PHLPP1: variants seen among roughly 807,000 people sequenced by gnomAD.
The protein encoded by PHLPP1 is PH domain leucine-rich repeat-containing protein phosphatase 1.
A neutral mutation model predicts 117.2 loss-of-function variants in PHLPP1; 42 were observed. That is an observed-to-expected ratio of 0.36 (90% confidence interval 0.28 to 0.46). The LOEUF is 0.46. PHLPP1 is among the 20% of genes least tolerant of loss of function. The pLI is 1.00. For missense variants in PHLPP1, 2,084 were observed against 2,241.9 expected, an observed-to-expected ratio of 0.93 and a Z score of 1.42; for synonymous variants, 1,042 against 970.7, an observed-to-expected ratio of 1.07 and a Z score of -1.37.
intron 13 of PHLPP1, among the ~76,000 whole-genome samples, chr18:62,959,008 G>A (rs1910696579): frequency 6.6e-6 from 1 of 152,200 alleles, no homozygotes; most frequent in Non-Finnish European, 1.5e-5. Context: ...AGAGATGGAT[G>A]ATGTAGGGAA....
At position 62,979,660 on chromosome 18, in the gene PHLPP1, TC is replaced by T. The variant is rs1342630019; in HGVS notation, c.*234del. On this transcript the variant is annotated 3_prime_UTR_variant, in exon 17 of 17. Coordinates refer to ENST00000262719, the MANE Select transcript of PHLPP1 (RefSeq NM_194449.4). ...AATATGATTTACATTTGTTAACTTC[TC>T]CCCCTAACATATCAGATATGTAAAG... 1.8e-5 allele frequency: 10 copies of T among 566,926 alleles called. No homozygotes were observed. The highest frequency in any genetic ancestry group is 3.7e-5 in the African/African-American group (2 of 53,384). 35.1% of individuals were successfully genotyped at this position (566,926 alleles called of 1,614,324 possible).
chr18:62,751,856 C>G (rs17070326), intron 1 of PHLPP1, among the ~76,000 whole-genome samples: 2,306 of 152,180 alleles, frequency 0.015, 60 homozygotes, highest in African/African-American at 0.052. Context: ...AGGAACATAG[C>G]TATAAAGGAG....
At chr18:62,885,193 A>C (rs886832038) in intron 4 of PHLPP1, among the ~76,000 whole-genome samples, 1 of 152,214 alleles carries the variant, frequency 6.6e-6, no homozygotes, top group Non-Finnish European at 1.5e-5. Context: ...ACATTTGTGT[A>C]TATTTGTTTC....
At chr18:62,755,749 A>G (rs1210636095) in intron 1 of PHLPP1, among the ~76,000 whole-genome samples, 1 of 152,184 alleles carries the variant, frequency 6.6e-6, no homozygotes, top group Non-Finnish European at 1.5e-5. Context: ...ATAGCAGCCC[A>G]AACAGACTAA....
intron 4 of PHLPP1, among the ~76,000 whole-genome samples, chr18:62,870,955 G>A (rs1915886497): frequency 6.6e-6 from 1 of 152,072 alleles, no homozygotes; most frequent in Non-Finnish European, 1.5e-5. Context: ...ATTTTTGGTG[G>A]TGTTGATGGT....
At chr18:62,742,985 T>C (rs1229750999) in intron 1 of PHLPP1, among the ~76,000 whole-genome samples, 1 of 152,198 alleles carries the variant, frequency 6.6e-6, no homozygotes, top group Non-Finnish European at 1.5e-5. Context: ...AAAAACCAAT[T>C]TCCATTTTAA....
chr18:62,884,192 T>C (rs1019994920), intron 4 of PHLPP1, among the ~76,000 whole-genome samples: 1 of 152,172 alleles, frequency 6.6e-6, no homozygotes, highest in Admixed American at 6.5e-5. Flanking sequence ...GAGTAAACAA[T>C]TTGCAGAAAA....
At chr18:62,920,344 CA>C (rs962950462) in intron 10 of PHLPP1, among the ~76,000 whole-genome samples, 3 of 152,194 alleles carry the variant, frequency 2.0e-5, no homozygotes, top group Non-Finnish European at 4.4e-5. Flanking sequence ...AAGTAGGTTA[CA>C]TTGTCCATAA....
intron 3 of PHLPP1, among the ~76,000 whole-genome samples, chr18:62,845,345 C>T (rs377070349): frequency 2.6e-5 from 4 of 152,030 alleles, no homozygotes; most frequent in Non-Finnish European, 5.9e-5. Context: ...TTCTGGTTGC[C>T]GTGATTTGAG....
chr18:62,764,205 AAAACAAAC>A lies in PHLPP1; in HGVS notation c.1576+46958_1576+46965del, dbSNP rs1334525711. Among the ~76,000 whole-genome samples the A allele has an allele frequency of 6.4e-4, 97 of 151,666 alleles. 1 individual carries two copies. Among genetic ancestry groups the A allele is most frequent in the African/African-American group, 2.3e-3 (95 of 41,302 alleles). Reference sequence around the variant, plus strand: ...AAAACAACAACAACCAAAAAAACACAAAACAAACAAACAAACAAAACCATTTTTACCTG... The same window carrying A: ...AAAACAACAACAACCAAAAAAACACAAAACAAACAAAACCATTTTTACCTG... On this transcript the variant is annotated intron_variant, in intron 1 of 16. Transcript: ENST00000262719.
chr18:62,837,199 A>G (rs1914929885), intron 2 of PHLPP1, among the ~76,000 whole-genome samples: 1 of 152,228 alleles, frequency 6.6e-6, no homozygotes, highest in South Asian at 2.1e-4. Context: ...GCCATGTTGC[A>G]CAGGTTGATC....
intron 1 of PHLPP1, among the ~76,000 whole-genome samples, chr18:62,764,935 CG>C (rs1423973539): frequency 1.3e-5 from 2 of 152,200 alleles, no homozygotes; most frequent in African/African-American, 4.8e-5. Flanking sequence ...TTACTGTCGT[CG>C]TTCTTTTCCA....
chr18:62,734,874 A>T lies in PHLPP1; in HGVS notation c.1576+17615A>T, dbSNP rs369170383. On this transcript the variant is annotated intron_variant, in intron 1 of 16. Transcript: ENST00000262719. ...TAACAGAAATGTTAGCACCAATGTA[A>T]TCAGGAGGAGAATAGTTATTGGCCC... Among the ~76,000 whole-genome samples the T allele has an allele frequency of 4.6e-5, 7 of 152,156 alleles. No homozygotes were observed. The South Asian group carries it at 1.0e-3, about 23-fold the overall frequency.
At position 62,940,617 on chromosome 18, in the gene PHLPP1, G is replaced by A. The variant is rs142154702; in HGVS notation, c.2961-1101G>A. On this transcript the variant is annotated intron_variant, in intron 10 of 16. Coordinates refer to ENST00000262719, the MANE Select transcript of PHLPP1 (RefSeq NM_194449.4). ...CTGACCTTGTGATCCGCCTGCCTCGGCCTCCCAAAGTGCTGGGATTACAGG... is the reference window on the plus strand; with the variant it reads ...CTGACCTTGTGATCCGCCTGCCTCGACCTCCCAAAGTGCTGGGATTACAGG... Among the ~76,000 whole-genome samples the A allele has an allele frequency of 3.5e-3, 536 of 152,100 alleles. 3 individuals carry two copies. Among genetic ancestry groups the A allele is most frequent in the Middle Eastern group, 0.01 (3 of 294 alleles).
chr18:62,979,473 T>G lies in PHLPP1; in HGVS notation c.*42T>G, dbSNP rs1453889872. 6.5e-7 allele frequency: 1 copy of G among 1,532,370 alleles called. No individual in the cohort carries two copies. Among genetic ancestry groups the G allele is most frequent in the South Asian group, 1.2e-5 (1 of 80,922 alleles). The allele number at this position is 1,532,370 out of a possible 1,614,324, so 94.9% of individuals were successfully genotyped here. On this transcript the variant is annotated 3_prime_UTR_variant, in exon 17 of 17. Transcript: ENST00000262719. ...AACAAATAAACTAACCACAAAAGAC[T>G]GAGTTGCAAGAGTCTCCCAGGCTCA...
At chr18:62,932,136 C>T (rs1237169009) in intron 10 of PHLPP1, among the ~76,000 whole-genome samples, 3 of 152,088 alleles carry the variant, frequency 2.0e-5, no homozygotes, top group African/African-American at 7.2e-5. Flanking sequence ...AAAAATCTAC[C>T]AATGGAAAAG....
intron 4 of PHLPP1, among the ~76,000 whole-genome samples, chr18:62,874,577 T>G (rs1915989692): frequency 6.6e-6 from 1 of 152,088 alleles, no homozygotes; most frequent in Non-Finnish European, 1.5e-5. Flanking sequence ...GGCTGGAGCT[T>G]CTCCCGGCAG....
intron 3 of PHLPP1, among the ~76,000 whole-genome samples, chr18:62,858,320 T>A (rs994681240): frequency 6.7e-6 from 1 of 150,208 alleles, no homozygotes; most frequent in Admixed American, 6.7e-5. Context: ...TGGACTGCAA[T>A]GGCACGATCT....
intron 4 of PHLPP1, among the ~76,000 whole-genome samples, chr18:62,868,918 C>T (rs1915832221): frequency 6.6e-6 from 1 of 152,148 alleles, no homozygotes; most frequent in Non-Finnish European, 1.5e-5. Context: ...GAGTATATTA[C>T]ACTGAGACTG....
Sources: allele counts gnomAD v4.1 joint callset (sites outside exome capture counted in the v4.1 genomes callset), GRCh38; gene constraint gnomAD v4.1.1; transcripts MANE v1.5; gene names NCBI Gene and HGNC (gene_info 2026-07-23, HGNC 2026-07-21).